COL4A2: variants seen among roughly 807,000 people sequenced by gnomAD.
The protein encoded by COL4A2 is collagen type IV alpha 2 chain, also known as collagen alpha-2(IV) chain.
COL4A2 carries 99 observed loss-of-function variants against 200.2 expected under a neutral mutation model. The observed-to-expected ratio is 0.49, with a 90% CI of 0.42 to 0.58. COL4A2 has a LOEUF of 0.58. Among genes scored for constraint, COL4A2 ranks in the 20% least tolerant of loss-of-function variants. The pLI is 0.00. For missense variants in COL4A2, 1,950 were observed against 2,314.1 expected (o/e 0.84, Z 3.23); for synonymous variants, 897 against 900.6 (o/e 1.00, Z 0.07).
At chr13:110,379,719 C>T (rs541824961) in intron 4 of COL4A2, among the ~76,000 whole-genome samples, 2 of 152,298 alleles carry the variant, frequency 1.3e-5, no homozygotes, top group South Asian at 4.1e-4. Context: ...CTCTTGGCAC[C>T]ACCGTGTTTT....
intron 20 of COL4A2, among the ~76,000 whole-genome samples, chr13:110,452,693 T>A (rs1356243845): frequency 6.6e-6 from 1 of 152,236 alleles, no homozygotes; most frequent in African/African-American, 2.4e-5. Flanking sequence ...TGAAAATTTT[T>A]AGGTGCAGAT....
At chr13:110,317,360 G>GTACACACACAGAAACACATA in intron 3 of COL4A2, among the ~76,000 whole-genome samples, 1 of 118,178 alleles carries the variant, frequency 8.5e-6, no homozygotes, top group Non-Finnish European at 2.2e-5. Flanking sequence ...AGAAACACAT[G>GTACACACACAGAAACACATA]TACACACACA....
In COL4A2 at chr13:110,508,232, T is replaced by G. The variant is rs370209795; in HGVS notation, c.4881+11T>G. On this transcript the variant is annotated intron_variant, in intron 47 of 47. Coordinates refer to ENST00000360467, the MANE Select transcript of COL4A2 (RefSeq NM_001846.4). The surrounding 1 kb of genome is among the most constrained non-coding windows in gnomAD (Gnocchi z 6.1). Reference sequence around the variant, plus strand: ...TATTCCTTCCTCATGGTATGTGGTATTTGCCCAGTTCCCCTCCCCAACCAC... The same window carrying G: ...TATTCCTTCCTCATGGTATGTGGTAGTTGCCCAGTTCCCCTCCCCAACCAC... The G allele has an allele frequency of 1.9e-6, 3 of 1,611,498 alleles. No homozygotes were observed. The East Asian group carries it at 6.7e-5, about 36-fold the overall frequency.
At chr13:110,430,732 G>A (rs1443457691) in intron 10 of COL4A2, 125 bp downstream of exon 10, 1 of 1,297,506 alleles carries the variant, frequency 7.7e-7, no homozygotes, top group Non-Finnish European at 1.1e-6. Flanking sequence ...TATAGGCGTA[G>A]CAGAGAACAT....
In COL4A2 at chr13:110,511,662, T is replaced by TA. The variant is rs919204470; in HGVS notation, c.4882-271dup. Among the ~76,000 whole-genome samples the TA allele has an allele frequency of 1.6e-3, 248 of 152,370 alleles. 1 individual carries two copies. Among genetic ancestry groups the TA allele is most frequent in the African/African-American group, 5.8e-3 (243 of 41,600 alleles). ...TATCTGCTGTCACGGCTCTAGTTCTTACCGAACGGCCAGCCTGGCTGTGAA... is the reference window on the plus strand; with the variant it reads ...TATCTGCTGTCACGGCTCTAGTTCTTAACCGAACGGCCAGCCTGGCTGTGAA... On this transcript the variant is annotated intron_variant, in intron 47 of 47. Coordinates refer to ENST00000360467, the MANE Select transcript of COL4A2 (RefSeq NM_001846.4).
chr13:110,340,528 G>A (rs779031534), intron 3 of COL4A2, among the ~76,000 whole-genome samples: 11 of 152,182 alleles, frequency 7.2e-5, no homozygotes, highest in Non-Finnish European at 1.6e-4. Flanking sequence ...GAGTGGAAGT[G>A]TAGAAAGAAA....
At chr13:110,355,547 GTGT>G (rs1438068757) in intron 3 of COL4A2, among the ~76,000 whole-genome samples, 34 of 74,472 alleles carry the variant, frequency 4.6e-4, no homozygotes, top group Non-Finnish European at 6.3e-4. Context: ...TCACCTGTGT[GTGT>G]GGGGGAGGGC....
At chr13:110,456,120 G>T (rs1314598617) in intron 20 of COL4A2, among the ~76,000 whole-genome samples, 1 of 152,212 alleles carries the variant, frequency 6.6e-6, no homozygotes, top group Non-Finnish European at 1.5e-5. Flanking sequence ...GAAGAGCACC[G>T]TGTTTCTTGC....
chr13:110,411,353 A>G (rs1253658054), intron 4 of COL4A2, among the ~76,000 whole-genome samples: 4 of 152,266 alleles, frequency 2.6e-5, no homozygotes, highest in African/African-American at 9.6e-5. Flanking sequence ...GAATCTGTTC[A>G]GAGAAGGTAG....
chr13:110,471,670 C>T (rs1248750735), intron 28 of COL4A2, among the ~76,000 whole-genome samples: 1 of 152,226 alleles, frequency 6.6e-6, no homozygotes, highest in Non-Finnish European at 1.5e-5. Flanking sequence ...AATCCAGATC[C>T]TTTATTCTGT....
intron 4 of COL4A2, among the ~76,000 whole-genome samples, chr13:110,364,882 A>G (rs1321089425): frequency 6.6e-6 from 1 of 152,200 alleles, no homozygotes; most frequent in East Asian, 1.9e-4. Context: ...ATTAATTAAA[A>G]TGAAATAAAA....
chr13:110,344,044 T>C (rs79145548), intron 3 of COL4A2, among the ~76,000 whole-genome samples: 2,283 of 151,818 alleles, frequency 0.015, 52 homozygotes, highest in African/African-American at 0.053. Flanking sequence ...GTGTAGATAA[T>C]GTGTGAGGTA....
chr13:110,474,881 C>G (rs1469152753), intron 29 of COL4A2, among the ~76,000 whole-genome samples: 1 of 125,856 alleles, frequency 7.9e-6, no homozygotes, highest in Non-Finnish European at 1.7e-5. Context: ...CACACACGTA[C>G]CCACACACGT....
intron 22 of COL4A2, among the ~76,000 whole-genome samples, chr13:110,460,779 C>T (rs1251329627): frequency 1.3e-5 from 2 of 152,124 alleles, no homozygotes; most frequent in African/African-American, 2.4e-5. Context: ...AGTGGCAGGG[C>T]GCTTGAAGTG....
At chr13:110,413,252 G>A (rs755160265) in intron 4 of COL4A2, among the ~76,000 whole-genome samples, 4 of 152,198 alleles carry the variant, frequency 2.6e-5, no homozygotes, top group Non-Finnish European at 5.9e-5. Flanking sequence ...GTGCCATAAC[G>A]CATGTGTTTA....
At chr13:110,447,410 T>A (rs1487411241) in intron 18 of COL4A2, among the ~76,000 whole-genome samples, 2 of 152,070 alleles carry the variant, frequency 1.3e-5, no homozygotes, top group African/African-American at 4.8e-5. Context: ...GACCTTGGAG[T>A]GTAAACGAAG....
intron 4 of COL4A2, among the ~76,000 whole-genome samples, chr13:110,358,109 G>A (rs1048199219): frequency 6.6e-6 from 1 of 152,038 alleles, no homozygotes; most frequent in Non-Finnish European, 1.5e-5. Context: ...GACTGTTTTT[G>A]CAATAACACT....
intron 3 of COL4A2, among the ~76,000 whole-genome samples, chr13:110,355,110 T>C (rs1467200921): frequency 6.6e-6 from 1 of 152,276 alleles, no homozygotes; most frequent in Non-Finnish European, 1.5e-5. Context: ...GGTTCTGTCA[T>C]CTGGTAAGTT....
chr13:110,395,533 C>G (rs1879153721), intron 4 of COL4A2, among the ~76,000 whole-genome samples: 1 of 152,154 alleles, frequency 6.6e-6, no homozygotes, highest in Admixed American at 6.5e-5. Flanking sequence ...ACACATTTTT[C>G]CTGTGATTTT....
Sources: allele counts gnomAD v4.1 joint callset (sites outside exome capture counted in the v4.1 genomes callset), GRCh38; gene constraint gnomAD v4.1.1; non-coding constraint Gnocchi (gnomAD v3.1); transcripts MANE v1.5; gene names NCBI Gene and HGNC (gene_info 2026-07-23, HGNC 2026-07-21).